Variants in CYP46A1 observed in about 807,000 individuals in gnomAD.
CYP46A1 encodes the protein cholesterol 24-hydroxylase.
A neutral mutation model predicts 63.3 loss-of-function variants in CYP46A1; 20 were observed. The observed-to-expected ratio is 0.32, with a 90% CI of 0.22 to 0.46. The LOEUF (loss-of-function observed/expected upper bound fraction) is 0.46, where lower values mean the gene tolerates loss of function less well. CYP46A1 is among the 20% of genes least tolerant of loss of function. The pLI is 1.00. For missense variants in CYP46A1, 445 were observed against 670.8 expected (o/e 0.66, Z 3.72); for synonymous variants, 268 against 273.6 (o/e 0.98, Z 0.20).
At chr14:99,691,739 C>T (rs2056545274) in intron 2 of CYP46A1, 41 bp from the exon 3 acceptor site, 3 of 1,597,348 alleles carry the variant, frequency 1.9e-6, no homozygotes, top group Non-Finnish European at 2.6e-6. Flanking sequence ...GGTCATACCT[C>T]AGGTGGTTGA....
At chr14:99,686,443 T>A (rs1272248858) in intron 1 of CYP46A1, among the ~76,000 whole-genome samples, 1 of 152,202 alleles carries the variant, frequency 6.6e-6, no homozygotes, top group African/African-American at 2.4e-5. Flanking sequence ...TCGCCACCGA[T>A]TTCAGAACTG....
chr14:99,714,585 C>A (rs1484768540), intron 7 of CYP46A1, among the ~76,000 whole-genome samples: 1 of 151,844 alleles, frequency 6.6e-6, no homozygotes, highest in Non-Finnish European at 1.5e-5. Flanking sequence ...ATGGTGAAAC[C>A]CCATCTCTAC....
chr14:99,720,450 A>G (rs921854539), intron 10 of CYP46A1, among the ~76,000 whole-genome samples: 38 of 143,728 alleles, frequency 2.6e-4, no homozygotes, highest in Admixed American at 1.3e-3. Context: ...GAAGTGGTCC[A>G]GATCCACTCT....
intron 3 of CYP46A1, 37 bp from the exon 4 acceptor site, chr14:99,699,429 G>C: frequency 6.3e-7 from 1 of 1,583,754 alleles, no homozygotes; most frequent in Non-Finnish European, 8.7e-7. Flanking sequence ...CTACTCATGG[G>C]TGCATGAGCC....
chr14:99,724,594 T>A (rs2056878044), intron 12 of CYP46A1, among the ~76,000 whole-genome samples: 1 of 152,162 alleles, frequency 6.6e-6, no homozygotes, highest in Non-Finnish European at 1.5e-5. Context: ...GTCATCTCCA[T>A]CAGGCCTTCG....
At chr14:99,690,019 G>A (rs1197866021) in intron 1 of CYP46A1, among the ~76,000 whole-genome samples, 1 of 152,080 alleles carries the variant, frequency 6.6e-6, no homozygotes, top group Non-Finnish European at 1.5e-5. Flanking sequence ...TACTCTGCCC[G>A]AGCCACACTG....
chr14:99,693,004 C>T (rs4268692), intron 3 of CYP46A1, among the ~76,000 whole-genome samples: 1 of 152,192 alleles, frequency 6.6e-6, no homozygotes, highest in Non-Finnish European at 1.5e-5. Context: ...TTGCTTCATT[C>T]TGGGCCTCCA....
intron 7 of CYP46A1, chr14:99,711,793 A>G (rs1280719881): frequency 6.6e-6 from 1 of 152,094 alleles, no homozygotes; most frequent in African/African-American, 2.4e-5. Flanking sequence ...GCACTACCCT[A>G]CCCTGATACC....
At chr14:99,712,205 TCTTTC>T (rs1031794536) in intron 7 of CYP46A1, 3 of 152,162 alleles carry the variant, frequency 2.0e-5, no homozygotes, top group African/African-American at 7.2e-5. Context: ...AAGCTAAAAG[TCTTTC>T]CTTTAAGAAC....
At chr14:99,688,183 G>A (rs1353320363) in intron 1 of CYP46A1, among the ~76,000 whole-genome samples, 2 of 152,060 alleles carry the variant, frequency 1.3e-5, no homozygotes, top group African/African-American at 4.8e-5. Flanking sequence ...TTTGGGAAGC[G>A]ACAATGAGGA....
intron 12 of CYP46A1, among the ~76,000 whole-genome samples, chr14:99,724,799 A>G (rs993066714): frequency 1.3e-5 from 2 of 152,174 alleles, no homozygotes; most frequent in African/African-American, 4.8e-5. Context: ...ACAGAGAGCC[A>G]GGGGTGGAAC....
chr14:99,699,995 C>A lies in CYP46A1; in HGVS notation c.357-20C>A. The A allele has an allele frequency of 2.1e-6, 2 of 956,054 alleles. No homozygotes were observed. The highest frequency in any genetic ancestry group is 3.0e-6 in the Non-Finnish European group (2 of 675,792). The allele number at this position is 956,054 out of a possible 1,614,324, so 59.2% of individuals were successfully genotyped here. A position where few individuals can be genotyped will look rare whatever the true frequency, so the allele number is the denominator to read the frequency against. On this transcript the variant is annotated intron_variant, in intron 4 of 14. Transcript: ENST00000261835. ...CCACCCCCCACCCTCTTTCCCGCAT[C>A]ACGTGTGTGTCTCCTACAGACTCTT...
intron 3 of CYP46A1, chr14:99,693,270 A>G (rs1359993101): frequency 6.5e-6 from 1 of 152,736 alleles, no homozygotes; most frequent in Non-Finnish European, 1.5e-5. Context: ...GGTTGAATGA[A>G]TAACCAGGAA....
chr14:99,690,479 A>G (rs1242090629), intron 1 of CYP46A1, among the ~76,000 whole-genome samples: 5 of 152,166 alleles, frequency 3.3e-5, no homozygotes, highest in Non-Finnish European at 7.4e-5. Context: ...TGAGCTTGGT[A>G]GGAATAAAGT....
intron 5 of CYP46A1, among the ~76,000 whole-genome samples, chr14:99,704,649 G>A (rs866635097): frequency 9.2e-5 from 14 of 152,106 alleles, no homozygotes; most frequent in African/African-American, 3.1e-4. Flanking sequence ...TATGATAACC[G>A]GCCACATACT....
chr14:99,699,836 T>C (rs1361038504), intron 4 of CYP46A1, among the ~76,000 whole-genome samples, 179 bp from the exon 5 acceptor site: 1 of 152,138 alleles, frequency 6.6e-6, no homozygotes, highest in Non-Finnish European at 1.5e-5. Context: ...CATTCACCAT[T>C]TTCCCCACCT....
intron 14 of CYP46A1, 31 bp from the exon 15 acceptor site, chr14:99,726,526 A>T: frequency 6.5e-7 from 1 of 1,531,156 alleles, no homozygotes; most frequent in Non-Finnish European, 8.8e-7. Flanking sequence ...TTGCTCCTTC[A>T]TTCCTTCCTC....
chr14:99,707,489 C>A, intron 6 of CYP46A1, 79 bp from the exon 7 acceptor site: 1 of 1,145,406 alleles, frequency 8.7e-7, no homozygotes, highest in Non-Finnish European at 1.3e-6. Flanking sequence ...AGGTGTCTAG[C>A]AGAATGATGC....
At chr14:99,709,740 G>C (rs1293046182) in intron 7 of CYP46A1, 1 of 152,160 alleles carries the variant, frequency 6.6e-6, no homozygotes, top group Non-Finnish European at 1.5e-5. Flanking sequence ...AAAAATCTCC[G>C]AGTAGATTCA....
Sources: gnomAD v4.1 joint callset for allele counts (sites outside exome capture counted in the v4.1 genomes callset) on GRCh38, gnomAD v4.1.1 for gene constraint, MANE v1.5 for transcripts, NCBI Gene and HGNC (gene_info 2026-07-23, HGNC 2026-07-21) for gene names.